The following PRKG1 variants were observed in gnomAD, a reference collection of about 807,000 sequenced individuals.
The protein encoded by PRKG1 is protein kinase cGMP-dependent 1.
A neutral mutation model predicts 88.1 loss-of-function variants in PRKG1; 35 were observed. That is an observed-to-expected ratio of 0.40 (90% confidence interval 0.30 to 0.53). The LOEUF (loss-of-function observed/expected upper bound fraction) is 0.53, where lower values mean the gene tolerates loss of function less well. Ranked by LOEUF, PRKG1 falls within the 20% of genes least tolerant of loss-of-function variation. The probability of loss-of-function intolerance (pLI) is 0.59; values close to 1 mark genes in which losing one functional copy is unlikely to be tolerated. For missense variants in PRKG1, 540 were observed against 839.8 expected (o/e 0.64, Z 4.41); for synonymous variants, 303 against 292.5 (o/e 1.04, Z -0.37).
At chr10:52,001,495 T>C (rs546103459) in intron 5 of PRKG1, among the ~76,000 whole-genome samples, 3 of 151,964 alleles carry the variant, frequency 2.0e-5, no homozygotes, top group Non-Finnish European at 2.9e-5. Flanking sequence ...TTTTTGTCAG[T>C]CATACCTCAG....
chr10:51,202,824 G>A (rs1380084047), intron 2 of PRKG1, among the ~76,000 whole-genome samples: 2 of 152,164 alleles, frequency 1.3e-5, no homozygotes, highest in Non-Finnish European at 2.9e-5. Context: ...TTGAAAGCTA[G>A]GATAAGGTGT....
chr10:52,230,692 G>T (rs1840499940), intron 9 of PRKG1: 1 of 152,132 alleles, frequency 6.6e-6, no homozygotes, highest in Non-Finnish European at 1.5e-5. Flanking sequence ...CATAAAATTG[G>T]CTATCTGGCT....
chr10:51,396,133 C>A (rs868006881), intron 2 of PRKG1, among the ~76,000 whole-genome samples: 2 of 152,180 alleles, frequency 1.3e-5, no homozygotes, highest in South Asian at 4.1e-4. Flanking sequence ...TGCCTGTAAT[C>A]TCCGCACTTT....
At chr10:51,965,343 C>T (rs1843542299) in intron 5 of PRKG1, among the ~76,000 whole-genome samples, 1 of 152,110 alleles carries the variant, frequency 6.6e-6, no homozygotes, top group Non-Finnish European at 1.5e-5. Flanking sequence ...TATTGGTTTT[C>T]TGTTCCTGCA....
rs1402122952 is a variant in PRKG1 at position 51,138,670 on chromosome 10, G to GTTT, written c.312-14492_312-14490dup. On this transcript the variant is annotated intron_variant, in intron 1 of 17. Coordinates refer to ENST00000373980, the MANE Select transcript of PRKG1 (RefSeq NM_006258.4). ...GGAATCCAGTCTTTTTGGACATTGA[G>GTTT]TTTTGTTTTTTTTTTTTTTTTTTTT... 6.5e-3 allele frequency among the ~76,000 whole-genome samples: 434 copies of GTTT among 66,996 alleles called. 8 individuals are homozygous for GTTT. The highest frequency in any genetic ancestry group is 0.017 in the Middle Eastern group (2 of 116). The allele number at this position is 66,996 out of a possible 152,430, so 44.0% of individuals were successfully genotyped here.
chr10:51,709,197 G>A (rs900312796), intron 3 of PRKG1, among the ~76,000 whole-genome samples: 4 of 152,214 alleles, frequency 2.6e-5, no homozygotes, highest in Non-Finnish European at 4.4e-5. Context: ...GTAGAGGAAT[G>A]TTTAGCCACC....
chr10:52,159,656 A>C (rs983356612), intron 8 of PRKG1, among the ~76,000 whole-genome samples: 1 of 151,812 alleles, frequency 6.6e-6, no homozygotes, highest in Non-Finnish European at 1.5e-5. Flanking sequence ...TGTTAAGTTA[A>C]AAGTTTTAAT....
intron 3 of PRKG1, among the ~76,000 whole-genome samples, chr10:51,573,459 T>C (rs75029574): frequency 0.074 from 11,199 of 151,946 alleles, 1,381 homozygotes; most frequent in African/African-American, 0.25. Context: ...TTATAATTCT[T>C]CCATAAAATA....
At chr10:51,993,822 C>T (rs6480638) in intron 5 of PRKG1, among the ~76,000 whole-genome samples, 44,631 of 151,998 alleles carry the variant, frequency 0.29, 7,891 homozygotes, top group East Asian at 0.65. Flanking sequence ...ATATATTCTT[C>T]CTCATTATCT....
At chr10:51,736,619 T>C (rs75522790) in intron 3 of PRKG1, among the ~76,000 whole-genome samples, 2,372 of 151,622 alleles carry the variant, frequency 0.016, 47 homozygotes, top group African/African-American at 0.053. Flanking sequence ...TTTTTTTTTT[T>C]TTTTAAGAGA....
Position 52,014,732 on chromosome 10 carries a change from G to GA in PRKG1, c.763-39752_763-39751insA, listed in dbSNP as rs1564429963. ...GCTAGTTACTCCCAAGATATAATGG[G>GA]GGTACAGGCATTGGATAAATGTTTC... On this transcript the variant is annotated intron_variant, in intron 5 of 17. Coordinates refer to ENST00000373980, the MANE Select transcript of PRKG1 (RefSeq NM_006258.4). Among the ~76,000 whole-genome samples, 4 of 152,154 alleles carry GA rather than the reference G, an allele frequency of 2.6e-5. No individual in the cohort carries two copies. In the East Asian group the frequency reaches 7.7e-4, roughly 29 times the overall value.
At chr10:52,118,749 T>C (rs887200374) in intron 7 of PRKG1, among the ~76,000 whole-genome samples, 1 of 152,062 alleles carries the variant, frequency 6.6e-6, no homozygotes, top group Admixed American at 6.5e-5. Flanking sequence ...TTAGTGTGAG[T>C]AAAATTATAC....
intron 9 of PRKG1, among the ~76,000 whole-genome samples, chr10:52,210,579 T>C (rs948877301): frequency 2.0e-5 from 3 of 152,232 alleles, no homozygotes; most frequent in African/African-American, 4.8e-5. Context: ...AGGAGAAAGA[T>C]AAGCATGCCT....
intron 3 of PRKG1, among the ~76,000 whole-genome samples, chr10:51,735,094 C>T (rs1158976036): frequency 6.6e-6 from 1 of 152,178 alleles, no homozygotes; most frequent in Non-Finnish European, 1.5e-5. Flanking sequence ...CCTACCATCC[C>T]ATCCTTGTGC....
chr10:51,075,378 C>T (rs1589134169), intron 1 of PRKG1, among the ~76,000 whole-genome samples: 1 of 152,292 alleles, frequency 6.6e-6, no homozygotes, highest in Admixed American at 6.5e-5. Flanking sequence ...TACCTGCTGG[C>T]GCTTCACGCT....
chr10:52,286,268 G>A (rs1182148456), intron 14 of PRKG1, among the ~76,000 whole-genome samples: 1 of 151,998 alleles, frequency 6.6e-6, no homozygotes, highest in African/African-American at 2.4e-5. Flanking sequence ...CATCTTTAAT[G>A]CCAAAAGATA....
intron 1 of PRKG1, among the ~76,000 whole-genome samples, chr10:51,017,607 T>A (rs983033778): frequency 6.6e-6 from 1 of 152,164 alleles, no homozygotes; most frequent in African/African-American, 2.4e-5. Context: ...ATAGACACTT[T>A]ACTGATATGA....
At chr10:51,529,704 C>CTTG (rs3086902) in intron 3 of PRKG1, among the ~76,000 whole-genome samples, 133,578 of 151,984 alleles carry the variant, frequency 0.88, 59,393 homozygotes, top group East Asian at 1. Flanking sequence ...CCTCAGTCCT[C>CTTG]TTATTTTTCT....
In PRKG1 at chr10:51,777,727, G is replaced by C. The variant is rs74545258; in HGVS notation, c.593-26858G>C. On this transcript the variant is annotated intron_variant, in intron 3 of 17. Coordinates refer to ENST00000373980, the MANE Select transcript of PRKG1 (RefSeq NM_006258.4). ...GTGTTCACAATTATAGCACCATACA[G>C]AATAGTTTTGCTGGCCTAAAAATTC... 5.1e-3 allele frequency among the ~76,000 whole-genome samples: 784 copies of C among 152,262 alleles called. 2 individuals carry two copies. The highest frequency in any genetic ancestry group is 0.018 in the African/African-American group (757 of 41,562).
Sources: allele counts gnomAD v4.1 joint callset (sites outside exome capture counted in the v4.1 genomes callset), GRCh38; gene constraint gnomAD v4.1.1; transcripts MANE v1.5; gene names NCBI Gene and HGNC (gene_info 2026-07-23, HGNC 2026-07-21).